The following HP1BP3 variants were observed in gnomAD, a reference collection of about 807,000 sequenced individuals.
HP1BP3 encodes the protein heterochromatin protein 1-binding protein 3.
In HP1BP3, 12 loss-of-function variants were observed where a neutral mutation model predicts 62.5. The observed-to-expected ratio is 0.19, with a 90% CI of 0.12 to 0.31. The LOEUF is 0.31. HP1BP3 is among the 10% of genes least tolerant of loss of function. The pLI, the probability that HP1BP3 is intolerant of heterozygous loss-of-function variation, is 1.00. For missense variants in HP1BP3, 502 were observed against 651.8 expected (o/e 0.77, Z 2.50); for synonymous variants, 260 against 237.8 (o/e 1.09, Z -0.86).
chr1:20,750,823 T>TC (rs1228091441), intron 9 of HP1BP3, among the ~76,000 whole-genome samples: 1 of 147,632 alleles, frequency 6.8e-6, no homozygotes, highest in African/African-American at 2.5e-5. Context: ...TCTCTTTTTT[T>TC]TTTTTTTTTT....
intron 11 of HP1BP3, among the ~76,000 whole-genome samples, chr1:20,747,298 A>G (rs969029718): frequency 1.3e-5 from 2 of 152,158 alleles, no homozygotes; most frequent in African/African-American, 4.8e-5. Context: ...CAGATCAGAA[A>G]TACAACATCC....
Position 20,745,615 on chromosome 1 carries a change from C to G in HP1BP3, c.1295G>C (p.Arg432Thr), listed in dbSNP as rs1182948440. 1.2e-6 allele frequency: 2 copies of G among 1,614,048 alleles called. No individual in the cohort carries two copies. Among genetic ancestry groups the G allele is most frequent in the Non-Finnish European group, 1.7e-6 (2 of 1,179,924 alleles). The stretch of plus-strand genomic sequence containing the variant: ...CTCATCTTCATCTTCATCCTCATCT[C>G]TAGAATCATCTGGCTCTTTCTTCGG... ...LFPKKEPDDS[R>T]DEDEDEDESS... The change falls in exon 12 of 13, where the codon AGA becomes ACA. Residue 432 changes from arginine (R) to threonine (T), a missense_variant. Arg to Thr is a moderately conservative substitution (Grantham distance 71, BLOSUM62 -1). Around this residue, in one of 5 missense-constraint regions of HP1BP3, gnomAD observed 194 missense variants for 207.0 expected, o/e 0.94. Transcript: ENST00000438032.
At chr1:20,759,765 T>C (rs1196972311) in intron 8 of HP1BP3, among the ~76,000 whole-genome samples, 5 of 152,000 alleles carry the variant, frequency 3.3e-5, no homozygotes, top group African/African-American at 9.7e-5. Context: ...GAAAAATACA[T>C]TCAGGTAAAG....
chr1:20,782,912 A>G (rs1283047421), intron 1 of HP1BP3, among the ~76,000 whole-genome samples: 1 of 148,088 alleles, frequency 6.8e-6, no homozygotes, highest in African/African-American at 2.5e-5. Context: ...AAAAAAGAAA[A>G]AAAAAAAAAA....
At chr1:20,766,917 C>T (rs757984046) in intron 7 of HP1BP3, among the ~76,000 whole-genome samples, 4 of 151,732 alleles carry the variant, frequency 2.6e-5, no homozygotes, top group Non-Finnish European at 5.9e-5. Flanking sequence ...CACTCCAGCC[C>T]GGGCAATAGA....
chr1:20,748,043 A>C (rs1032785582), intron 10 of HP1BP3, among the ~76,000 whole-genome samples: 1 of 152,130 alleles, frequency 6.6e-6, no homozygotes, highest in Non-Finnish European at 1.5e-5. Context: ...GACACATTAG[A>C]GACCATTGAG....
rs995172980 is a variant in HP1BP3 at position 20,741,113 on chromosome 1, T to C, written c.*3684A>G. On this transcript the variant is annotated 3_prime_UTR_variant, in exon 13 of 13. Coordinates refer to ENST00000438032, the MANE Select transcript of HP1BP3 (RefSeq NM_001372052.1). ...TTTAATGGTCTTTTCCAATTAAGAA[T>C]AGAATTTCTTTTCTTTCATAGCTAA... 2.0e-5 allele frequency among the ~76,000 whole-genome samples: 3 copies of C among 152,248 alleles called. No individual in the cohort carries two copies. The highest frequency in any genetic ancestry group is 4.8e-5 in the African/African-American group (2 of 41,478).
chr1:20,780,770 A>G (rs886818680), intron 1 of HP1BP3, among the ~76,000 whole-genome samples: 1 of 152,172 alleles, frequency 6.6e-6, no homozygotes, highest in Non-Finnish European at 1.5e-5. Context: ...CACATGAACA[A>G]AGACAACAAG....
At chr1:20,750,772 C>A (rs1295769595) in intron 9 of HP1BP3, among the ~76,000 whole-genome samples, 1 of 150,808 alleles carries the variant, frequency 6.6e-6, no homozygotes, top group Admixed American at 6.6e-5. Context: ...AAGACATGTA[C>A]GATCATCCAC....
At chr1:20,776,786 T>C in intron 3 of HP1BP3, 36 bp from the exon 4 acceptor site, 1 of 1,578,996 alleles carries the variant, frequency 6.3e-7, no homozygotes. Context: ...CATAAGCAGA[T>C]GTATTCCAAT....
intron 7 of HP1BP3, among the ~76,000 whole-genome samples, chr1:20,766,200 A>C (rs2056773489): frequency 6.6e-6 from 1 of 152,218 alleles, no homozygotes; most frequent in Non-Finnish European, 1.5e-5. Context: ...CTGAGGCAGG[A>C]GAATCACTTG....
intron 6 of HP1BP3, among the ~76,000 whole-genome samples, chr1:20,768,329 C>G (rs2056888016): frequency 6.6e-6 from 1 of 152,056 alleles, no homozygotes; most frequent in Admixed American, 6.6e-5. Context: ...GCCTGTAGTC[C>G]CAGCTATTCG....
chr1:20,777,986 A>G (rs771309657), intron 3 of HP1BP3, among the ~76,000 whole-genome samples: 1 of 152,168 alleles, frequency 6.6e-6, no homozygotes, highest in Non-Finnish European at 1.5e-5. Flanking sequence ...AATAAAATGT[A>G]TTTTTCATCA....
intron 3 of HP1BP3, among the ~76,000 whole-genome samples, chr1:20,778,031 T>C (rs1265582030): frequency 6.6e-6 from 1 of 152,236 alleles, no homozygotes; most frequent in East Asian, 1.9e-4. Flanking sequence ...ACCCAACAAT[T>C]TGACCTAAAT....
At chr1:20,750,834 T>TTG (rs1468816342) in intron 9 of HP1BP3, among the ~76,000 whole-genome samples, 19 of 150,044 alleles carry the variant, frequency 1.3e-4, no homozygotes, top group South Asian at 4.3e-4. Context: ...TTTTTTTTTT[T>TTG]TGAGACAGAG....
At chr1:20,776,468 A>T (rs2057309154) in intron 4 of HP1BP3, 129 bp downstream of exon 4, 1 of 798,066 alleles carries the variant, frequency 1.3e-6, no homozygotes. Context: ...TCAAATGGTA[A>T]TTCTAAAAAT....
chr1:20,753,131 T>C (rs964159099), intron 9 of HP1BP3, among the ~76,000 whole-genome samples: 5 of 152,232 alleles, frequency 3.3e-5, no homozygotes, highest in Middle Eastern at 3.4e-3. Context: ...TTACTAGAGA[T>C]TGGGTTTCAC....
chr1:20,752,155 G>A (rs2055802707), intron 9 of HP1BP3, among the ~76,000 whole-genome samples: 1 of 151,896 alleles, frequency 6.6e-6, no homozygotes, highest in Non-Finnish European at 1.5e-5. Context: ...AGCTACTTGG[G>A]CAAGGCTGGG....
In HP1BP3 at chr1:20,773,581, T is replaced by A; in HGVS notation, c.380A>T (p.Lys127Met). The change falls in exon 5 of 13, where the codon AAG becomes ATG. Residue 127 changes from lysine (K) to methionine (M), a missense_variant. Transcript: ENST00000438032. ...DEKDQSKEKE[K>M]KVKKTIPSWA... is the part of the protein sequence containing the mutation. ...GGAAGGAATTGTTTTTTTCACTTTCTTCTCCTTTTCTTTAGACTGATCTTT... is the reference window on the plus strand; with the variant it reads ...GGAAGGAATTGTTTTTTTCACTTTCATCTCCTTTTCTTTAGACTGATCTTT... 3.7e-6 allele frequency: 6 copies of A among 1,608,952 alleles called. No individual in the cohort carries two copies. The highest frequency in any genetic ancestry group is 5.1e-6 in the Non-Finnish European group (6 of 1,177,058).
Sources: gnomAD v4.1 joint callset for allele counts (sites outside exome capture counted in the v4.1 genomes callset) on GRCh38, gnomAD v4.1.1 for gene constraint, gnomAD v4.1.1 regional missense constraint, MANE v1.5 for transcripts, NCBI Gene and HGNC (gene_info 2026-07-23, HGNC 2026-07-21) for gene names.